The following CABCOCO1 variants were observed in gnomAD, a reference collection of about 807,000 sequenced individuals.
The protein encoded by CABCOCO1 is ciliary associated calcium binding coiled-coil 1.
In CABCOCO1, 28 loss-of-function variants were observed where a neutral mutation model predicts 35.7. That is an observed-to-expected ratio of 0.78 (90% CI 0.58 to 1.07). CABCOCO1 has a LOEUF of 1.07. Ranked by LOEUF, CABCOCO1 falls within the 50% of genes least tolerant of loss-of-function variation. The pLI is 0.00. For missense variants in CABCOCO1, 326 were observed against 309.2 expected (o/e 1.05, Z -0.41); for synonymous variants, 95 against 100.1 (o/e 0.95, Z 0.30).
At chr10:61,732,566 G>A (rs747797731) in intron 5 of CABCOCO1, among the ~76,000 whole-genome samples, 1 of 151,900 alleles carries the variant, frequency 6.6e-6, no homozygotes, top group Non-Finnish European at 1.5e-5. Context: ...AATCCTTTTG[G>A]CAAAACTGAA....
chr10:61,690,849 A>G (rs961520405), intron 5 of CABCOCO1, among the ~76,000 whole-genome samples: 4 of 152,176 alleles, frequency 2.6e-5, no homozygotes, highest in African/African-American at 9.6e-5. Context: ...TACTTTGTGT[A>G]TTTATGGATT....
intron 5 of CABCOCO1, among the ~76,000 whole-genome samples, chr10:61,743,403 A>G (rs1841591037): frequency 6.6e-6 from 1 of 152,204 alleles, no homozygotes; most frequent in African/African-American, 2.4e-5. Context: ...ACATTTCAAT[A>G]TTTAAAACAT....
intron 5 of CABCOCO1, among the ~76,000 whole-genome samples, chr10:61,709,694 A>T (rs36098449): frequency 2.3e-4 from 24 of 106,046 alleles, no homozygotes; most frequent in African/African-American, 7.7e-4. Context: ...CCTCAAATTT[A>T]AAAAAAAAAA....
At chr10:61,731,244 A>C (rs778181847) in intron 5 of CABCOCO1, among the ~76,000 whole-genome samples, 8 of 151,878 alleles carry the variant, frequency 5.3e-5, no homozygotes, top group Admixed American at 3.3e-4. Context: ...TTCTCTAACT[A>C]TATGTAAATT....
At chr10:61,713,970 C>T (rs1257019618) in intron 5 of CABCOCO1, among the ~76,000 whole-genome samples, 1 of 151,948 alleles carries the variant, frequency 6.6e-6, no homozygotes, top group South Asian at 2.1e-4. Flanking sequence ...CTACAATTCT[C>T]TTTTTTTTGT....
chr10:61,736,668 T>C (rs1239374441), intron 5 of CABCOCO1, among the ~76,000 whole-genome samples: 1 of 152,200 alleles, frequency 6.6e-6, no homozygotes, highest in Non-Finnish European at 1.5e-5. Flanking sequence ...TTTTCTCTAG[T>C]TCTGTGAAGA....
intron 2 of CABCOCO1, among the ~76,000 whole-genome samples, chr10:61,673,274 C>G (rs1006823381): frequency 6.6e-6 from 1 of 152,158 alleles, no homozygotes; most frequent in African/African-American, 2.4e-5. Context: ...ATATGTACAT[C>G]TCACTCTTTA....
At chr10:61,694,066 T>C (rs1230039146) in intron 5 of CABCOCO1, among the ~76,000 whole-genome samples, 1 of 151,822 alleles carries the variant, frequency 6.6e-6, no homozygotes, top group Non-Finnish European at 1.5e-5. Context: ...CTGGAACTTG[T>C]TAGTGTATTA....
intron 7 of CABCOCO1, among the ~76,000 whole-genome samples, chr10:61,762,707 G>A (rs1304306453): frequency 2.0e-5 from 3 of 152,068 alleles, no homozygotes; most frequent in Non-Finnish European, 4.4e-5. Context: ...TAAGTTATTT[G>A]TCCAGAGTTC....
At chr10:61,738,654 A>G (rs1841478956) in intron 5 of CABCOCO1, among the ~76,000 whole-genome samples, 1 of 152,226 alleles carries the variant, frequency 6.6e-6, no homozygotes, top group Non-Finnish European at 1.5e-5. Flanking sequence ...ATGTTGTCTT[A>G]TAATTGTAAC....
intron 5 of CABCOCO1, among the ~76,000 whole-genome samples, chr10:61,694,049 C>T (rs1049061011): frequency 4.0e-5 from 6 of 151,726 alleles, no homozygotes; most frequent in African/African-American, 1.5e-4. Flanking sequence ...ATTACTGTTA[C>T]TAATTTCTGG....
chr10:61,687,011 A>T (rs1392770633), intron 4 of CABCOCO1, among the ~76,000 whole-genome samples: 1 of 152,196 alleles, frequency 6.6e-6, no homozygotes, highest in Non-Finnish European at 1.5e-5. Context: ...TTTAAAATTT[A>T]AAATTCTAAA....
intron 5 of CABCOCO1, among the ~76,000 whole-genome samples, chr10:61,711,939 T>C (rs1840741524): frequency 6.6e-6 from 1 of 152,064 alleles, no homozygotes. Context: ...TGTGCTATTG[T>C]GAATAGTGCT....
chr10:61,695,698 G>A (rs1209857572), intron 5 of CABCOCO1, among the ~76,000 whole-genome samples: 1 of 151,986 alleles, frequency 6.6e-6, no homozygotes, highest in Non-Finnish European at 1.5e-5. Flanking sequence ...CAGTAATAAT[G>A]AGAGCCAGAG....
intron 2 of CABCOCO1, among the ~76,000 whole-genome samples, chr10:61,677,822 T>C (rs1302343231): frequency 1.4e-5 from 2 of 144,342 alleles, no homozygotes; most frequent in African/African-American, 5.1e-5. Context: ...TTTTTTTTTT[T>C]TTTTTTTTTT....
chr10:61,699,581 T>A (rs1285810221), intron 5 of CABCOCO1, among the ~76,000 whole-genome samples: 1 of 152,068 alleles, frequency 6.6e-6, no homozygotes, highest in East Asian at 1.9e-4. Context: ...CCTGAAAAGT[T>A]CTCTAACATT....
At position 61,760,130 on chromosome 10, in the gene CABCOCO1, T is replaced by C; in HGVS notation, c.624T>C (p.Asp208=). ...CTCTGGAAGAAGGAATCTCATTTGATATTTATTCAACATTCATAGAGCCCC... is the reference window on the plus strand; with the variant it reads ...CTCTGGAAGAAGGAATCTCATTTGACATTTATTCAACATTCATAGAGCCCC... ...PNPLEEGISF[D]IYSTFIEPPT... is the part of the protein sequence containing the mutation. The change falls in exon 6 of 8, where the codon GAT becomes GAC. Residue 208 remains aspartate, a synonymous_variant. Coordinates refer to ENST00000648843, the MANE Select transcript of CABCOCO1 (RefSeq NM_001366906.2). The C allele has an allele frequency of 6.2e-7, 1 of 1,612,204 alleles. No individual in the cohort carries two copies. The highest frequency in any genetic ancestry group is 8.5e-7 in the Non-Finnish European group (1 of 1,178,582).
At chr10:61,691,646 C>G (rs1840145459) in intron 5 of CABCOCO1, among the ~76,000 whole-genome samples, 1 of 151,986 alleles carries the variant, frequency 6.6e-6, no homozygotes, top group East Asian at 1.9e-4. Context: ...CTCCCCTTGC[C>G]CCCCACTCCC....
At chr10:61,676,619 C>T (rs1234153902) in intron 2 of CABCOCO1, among the ~76,000 whole-genome samples, 1 of 151,918 alleles carries the variant, frequency 6.6e-6, no homozygotes, top group Non-Finnish European at 1.5e-5. Context: ...TGGCTCATAA[C>T]AAAATGCTTT....
Sources: allele counts gnomAD v4.1 joint callset (sites outside exome capture counted in the v4.1 genomes callset), GRCh38; gene constraint gnomAD v4.1.1; transcripts MANE v1.5; gene names NCBI Gene and HGNC (gene_info 2026-07-23, HGNC 2026-07-21).